Variants in PARD3 observed in about 807,000 individuals in gnomAD.
The protein encoded by PARD3 is par-3 family cell polarity regulator.
A neutral mutation model predicts 155.4 loss-of-function variants in PARD3; 75 were observed. The observed-to-expected ratio is 0.48, with a 90% CI of 0.40 to 0.58. PARD3 has a LOEUF of 0.58. Among genes scored for constraint, PARD3 ranks in the 20% least tolerant of loss-of-function variants. PARD3 has a pLI of 0.00. For synonymous variants in PARD3, 576 were observed against 610.5 expected (o/e 0.94, Z 0.83); for missense variants, 1,642 against 1,721.7 (o/e 0.95, Z 0.82).
chr10:34,408,525 A>G (rs1844725797), intron 5 of PARD3, among the ~76,000 whole-genome samples: 1 of 152,194 alleles, frequency 6.6e-6, no homozygotes, highest in Non-Finnish European at 1.5e-5. Flanking sequence ...TCCAAAGGGA[A>G]TCTGTTTCCA....
chr10:34,401,710 G>A (rs76223358), intron 6 of PARD3, 116 bp downstream of exon 6: 192 of 759,940 alleles, frequency 2.5e-4, no homozygotes, highest in Non-Finnish European at 4.1e-4. Context: ...ATCAATGCAC[G>A]GCATGTTTTT....
intron 3 of PARD3, among the ~76,000 whole-genome samples, chr10:34,501,547 C>T (rs1260623343): frequency 6.6e-6 from 1 of 152,158 alleles, no homozygotes; most frequent in Non-Finnish European, 1.5e-5. Flanking sequence ...CATTACTGTT[C>T]ATTACTTTCC....
At chr10:34,433,190 C>T (rs2132562665) in intron 5 of PARD3, among the ~76,000 whole-genome samples, 1 of 152,314 alleles carries the variant, frequency 6.6e-6, no homozygotes, top group Non-Finnish European at 1.5e-5. Flanking sequence ...TAACAGTTAA[C>T]TGTTCTGTAA....
intron 1 of PARD3, among the ~76,000 whole-genome samples, chr10:34,755,657 C>T (rs962595578): frequency 6.6e-6 from 1 of 152,022 alleles, no homozygotes; most frequent in Non-Finnish European, 1.5e-5. Context: ...AAATGATTTC[C>T]AAGAACAGTC....
At chr10:34,695,480 A>AT (rs2094151091) in intron 2 of PARD3, among the ~76,000 whole-genome samples, 1 of 150,470 alleles carries the variant, frequency 6.6e-6, no homozygotes, top group South Asian at 2.1e-4. Flanking sequence ...TCCATCTCAA[A>AT]AAAAAAAAAA....
chr10:34,510,597 G>A (rs569759464), intron 3 of PARD3, among the ~76,000 whole-genome samples: 5 of 152,122 alleles, frequency 3.3e-5, no homozygotes, highest in South Asian at 4.2e-4. Context: ...GTTAAAATTC[G>A]GTGCTATATG....
intron 3 of PARD3, among the ~76,000 whole-genome samples, chr10:34,503,235 T>C (rs1419266975): frequency 6.6e-5 from 10 of 152,218 alleles, no homozygotes; most frequent in Admixed American, 6.5e-4. Context: ...AATAAATACT[T>C]CTCAAGCTGT....
At chr10:34,741,519 GAAGA>G (rs1202148714) in intron 1 of PARD3, among the ~76,000 whole-genome samples, 1 of 152,124 alleles carries the variant, frequency 6.6e-6, no homozygotes, top group Admixed American at 6.6e-5. Context: ...TCTGGGTAAA[GAAGA>G]AAGGGAATAT....
intron 20 of PARD3, among the ~76,000 whole-genome samples, chr10:34,299,638 A>C (rs1467737956): frequency 6.6e-6 from 1 of 152,256 alleles, no homozygotes; most frequent in Non-Finnish European, 1.5e-5. Flanking sequence ...CAAAGAGTAA[A>C]GCATAGAACT....
At chr10:34,326,125 TAAAAAAAAA>T (rs979390862) in intron 19 of PARD3, among the ~76,000 whole-genome samples, 1 of 108,884 alleles carries the variant, frequency 9.2e-6, no homozygotes, top group African/African-American at 3.3e-5. Flanking sequence ...ACACTCTTTC[TAAAAAAAAA>T]AAAAAAAAAA....
chr10:34,228,909 T>C (rs974758453), intron 22 of PARD3, among the ~76,000 whole-genome samples: 2 of 152,094 alleles, frequency 1.3e-5, no homozygotes, highest in Non-Finnish European at 2.9e-5. Flanking sequence ...CTTTTTTGCT[T>C]TTTATTCCTG....
At position 34,269,867 on chromosome 10, in the gene PARD3, C is replaced by T. The variant is rs201360013; in HGVS notation, c.3209G>A (p.Arg1070Gln). 7.3e-5 allele frequency: 117 copies of T among 1,613,720 alleles called. 1 individual carries two copies. The highest frequency in any genetic ancestry group is 4.8e-4 in the South Asian group (44 of 91,028). Residue 1070 changes from arginine to glutamine, a missense_variant, in exon 22 of 25, where the codon CGA (arginine) becomes CAA (glutamine). Arg to Gln is a conservative substitution (Grantham distance 43). Around this residue, in one of 3 missense-constraint regions of PARD3, gnomAD observed 1,529 missense variants for 1,587.3 expected, o/e 0.96. Coordinates refer to ENST00000374788, the MANE Select transcript of PARD3 (RefSeq NM_001184785.2). The part of the protein sequence containing the change: ...IQAKTREFRE[R>Q]QARERDYAEI... ...AGCATAGTCACGCTCTCGAGCTTGTCGTTCCCTAAATTCTCGAGTTTTGGC... is the reference window on the plus strand; with the variant it reads ...AGCATAGTCACGCTCTCGAGCTTGTTGTTCCCTAAATTCTCGAGTTTTGGC...
chr10:34,248,436 C>T (rs778661122), intron 22 of PARD3, among the ~76,000 whole-genome samples: 16 of 152,210 alleles, frequency 1.1e-4, no homozygotes, highest in Non-Finnish European at 1.8e-4. Flanking sequence ...CCAATAGCTT[C>T]TAACACAGAT....
intron 19 of PARD3, among the ~76,000 whole-genome samples, chr10:34,326,542 G>A (rs1297665461): frequency 3.9e-5 from 6 of 152,124 alleles, no homozygotes; most frequent in Admixed American, 3.3e-4. Flanking sequence ...ACTGTGTTTT[G>A]CTTATGATAA....
chr10:34,461,846 T>C (rs2077673329), intron 4 of PARD3, among the ~76,000 whole-genome samples: 1 of 152,184 alleles, frequency 6.6e-6, no homozygotes, highest in Non-Finnish European at 1.5e-5. Flanking sequence ...ACTCCTGCAG[T>C]GGTTTGTGAA....
intron 2 of PARD3, among the ~76,000 whole-genome samples, chr10:34,667,060 C>CA (rs1443919554): frequency 2.0e-5 from 3 of 151,962 alleles, no homozygotes; most frequent in Non-Finnish European, 2.9e-5. Context: ...CCCAGCTACT[C>CA]AGTAGGCTGA....
At chr10:34,716,582 TTTC>T (rs1258875476) in intron 1 of PARD3, among the ~76,000 whole-genome samples, 4 of 107,746 alleles carry the variant, frequency 3.7e-5, no homozygotes, top group South Asian at 3.3e-4. Flanking sequence ...CAGGATGGCT[TTTC>T]TTTTTTTTTT....
At position 34,278,990 on chromosome 10, in the gene PARD3, T is replaced by C. The variant is rs16935273; in HGVS notation, c.3176+5145A>G. 8.4e-3 allele frequency among the ~76,000 whole-genome samples: 1,276 copies of C among 152,296 alleles called. 21 individuals carry two copies. Among genetic ancestry groups the C allele is most frequent in the African/African-American group, 0.029 (1,197 of 41,562 alleles). On this transcript the variant is annotated intron_variant, in intron 21 of 24. Coordinates refer to ENST00000374788, the MANE Select transcript of PARD3 (RefSeq NM_001184785.2). ...TACAATTATTGCCAATGCAGAGAGA[T>C]GCTCTTAAGCCAAATATATCTAGGA...
chr10:34,196,972 T>C (rs1950973975), intron 22 of PARD3, among the ~76,000 whole-genome samples: 1 of 152,172 alleles, frequency 6.6e-6, no homozygotes, highest in South Asian at 2.1e-4. Context: ...GCAAGCTTTG[T>C]CTGTCCATCC....
Sources: gnomAD v4.1 joint callset for allele counts (sites outside exome capture counted in the v4.1 genomes callset) on GRCh38, gnomAD v4.1.1 for gene constraint, gnomAD v4.1.1 regional missense constraint, MANE v1.5 for transcripts, NCBI Gene and HGNC (gene_info 2026-07-23, HGNC 2026-07-21) for gene names.